Variants in WSB2 observed in about 807,000 individuals in gnomAD.
WSB2 encodes WD repeat and SOCS box containing 2, also known as WD repeat and SOCS box-containing protein 2.
In WSB2, 12 loss-of-function variants were observed where a neutral mutation model predicts 48.8. The observed-to-expected ratio is 0.25, with a 90% CI of 0.16 to 0.40. The LOEUF is 0.40. Among genes scored for constraint, WSB2 ranks in the 10% least tolerant of loss-of-function variants. The pLI is 1.00. For missense variants in WSB2, 317 were observed against 506.2 expected (o/e 0.63, Z 3.59); for synonymous variants, 191 against 203.1 (o/e 0.94, Z 0.51).
intron 1 of WSB2, among the ~76,000 whole-genome samples, chr12:118,058,423 C>T (rs1367439524): frequency 6.6e-6 from 1 of 152,152 alleles, no homozygotes; most frequent in Non-Finnish European, 1.5e-5. Flanking sequence ...TCACGGCTCA[C>T]TGCAACCTCG....
rs748354611 is a variant in WSB2, at chr12:118,055,607, C to CTTTTTTTTTT, written c.14-3139_14-3130dup. 2.2e-4 allele frequency among the ~76,000 whole-genome samples: 18 copies of CTTTTTTTTTT among 81,712 alleles called. 1 individual carries two copies. Among genetic ancestry groups the CTTTTTTTTTT allele is most frequent in the African/African-American group, 3.2e-4 (6 of 18,752 alleles). 53.6% of individuals were successfully genotyped at this position (81,712 alleles called of 152,430 possible). On this transcript the variant is annotated intron_variant, in intron 1 of 8. Transcript: ENST00000315436. ...ATTGGTTCACTTCCTCTACATTATC[C>CTTTTTTTTTT]TTTTTTTTTTTTTTTTTTTTTTTTT...
Position 118,036,385 on chromosome 12 carries a change from A to G in WSB2, c.786T>C (p.Asn262=), listed in dbSNP as rs1246841276. The change falls in exon 6 of 9, where the codon AAT becomes AAC. Residue 262 remains asparagine, a synonymous_variant. Transcript: ENST00000315436. The stretch of plus-strand genomic sequence containing the variant: ...CGGTGTAGGGGTCCCACATAATCAC[A>G]TTGGTATCGTAAGAAGCCGTGACAA... ...ALLVTASYDT[N]VIMWDPYTGE... 1.2e-6 allele frequency: 2 copies of G among 1,614,026 alleles called. No homozygotes were observed. The highest frequency in any genetic ancestry group is 1.7e-6 in the Non-Finnish European group (2 of 1,180,046).
rs1205699475 is a variant in WSB2 at position 118,033,977 on chromosome 12, C to T, written c.*219G>A. The T allele has an allele frequency of 1.4e-5, 8 of 582,486 alleles. No homozygotes were observed. The highest frequency in any genetic ancestry group is 2.4e-5 in the Non-Finnish European group (8 of 333,208). 36.1% of individuals were successfully genotyped at this position (582,486 alleles called of 1,614,324 possible). A position where few individuals can be genotyped will look rare whatever the true frequency, so the allele number is the denominator to read the frequency against. ...GAAAATTTAACGTAAGGCTCTGTTGCCGTGCAAGTGGAATCTCTTCCTCTA... is the reference window on the plus strand; with the variant it reads ...GAAAATTTAACGTAAGGCTCTGTTGTCGTGCAAGTGGAATCTCTTCCTCTA... On this transcript the variant is annotated 3_prime_UTR_variant, in exon 9 of 9. Coordinates refer to ENST00000315436, the MANE Select transcript of WSB2 (RefSeq NM_018639.5).
intron 5 of WSB2, among the ~76,000 whole-genome samples, chr12:118,037,560 C>A (rs907656220): frequency 8.6e-5 from 13 of 150,940 alleles, no homozygotes; most frequent in Non-Finnish European, 1.6e-4. Flanking sequence ...CCCAGCTACT[C>A]GGGAGGCTGA....
intron 2 of WSB2, among the ~76,000 whole-genome samples, chr12:118,051,062 A>C (rs1456759166): frequency 1.3e-5 from 2 of 152,080 alleles, no homozygotes; most frequent in East Asian, 3.8e-4. Context: ...AAAAAAAGAA[A>C]AAAAAAAAGA....
chr12:118,052,221 C>G (rs2031866952), intron 2 of WSB2, 89 bp downstream of exon 2: 1 of 1,512,038 alleles, frequency 6.6e-7, no homozygotes, highest in Non-Finnish European at 8.9e-7. Flanking sequence ...GCCACCTTCC[C>G]TCTCTCTGGT....
At chr12:118,053,272 C>T (rs925483092) in intron 1 of WSB2, among the ~76,000 whole-genome samples, 2 of 152,114 alleles carry the variant, frequency 1.3e-5, no homozygotes, top group African/African-American at 4.8e-5. Flanking sequence ...CCCTGCAGGC[C>T]ACACTCTGGC....
At chr12:118,049,143 T>C (rs2031801325) in intron 2 of WSB2, among the ~76,000 whole-genome samples, 1 of 152,230 alleles carries the variant, frequency 6.6e-6, no homozygotes, top group South Asian at 2.1e-4. Flanking sequence ...GAAATGAAGG[T>C]GCATCCCTTG....
intron 2 of WSB2, among the ~76,000 whole-genome samples, chr12:118,051,829 C>T (rs1469169022): frequency 3.3e-5 from 5 of 152,126 alleles, no homozygotes; most frequent in Non-Finnish European, 2.9e-5. Flanking sequence ...CAAAACTTAG[C>T]CAGGCGTGGT....
At chr12:118,038,777 T>C (rs535971592) in intron 4 of WSB2, among the ~76,000 whole-genome samples, 1 of 152,224 alleles carries the variant, frequency 6.6e-6, no homozygotes, top group East Asian at 1.9e-4. Context: ...GCCTCCCAAG[T>C]TGAAGCGATT....
intron 2 of WSB2, among the ~76,000 whole-genome samples, chr12:118,043,632 G>A (rs1566138777): frequency 6.6e-6 from 1 of 152,032 alleles, no homozygotes; most frequent in Non-Finnish European, 1.5e-5. Flanking sequence ...ATTTTTTGTA[G>A]GACGGAGTTT....
At chr12:118,054,283 C>T (rs1329674706) in intron 1 of WSB2, among the ~76,000 whole-genome samples, 3 of 150,958 alleles carry the variant, frequency 2.0e-5, no homozygotes, top group African/African-American at 4.9e-5. Context: ...CCCAGCTACT[C>T]GGGAAGCTGA....
At chr12:118,042,739 A>G in intron 4 of WSB2, 102 bp downstream of exon 4, 1 of 1,522,842 alleles carries the variant, frequency 6.6e-7, no homozygotes, top group Non-Finnish European at 8.8e-7. Context: ...CACAGAAAAA[A>G]ACATCAAGAA....
At chr12:118,048,308 C>T (rs971810974) in intron 2 of WSB2, among the ~76,000 whole-genome samples, 3 of 151,930 alleles carry the variant, frequency 2.0e-5, no homozygotes. Flanking sequence ...TGTGATTTTG[C>T]CAGGTGCAAT....
rs1197278765 is a variant in WSB2, at chr12:118,037,680, A to AG, written c.660+607_660+608insC. Among the ~76,000 whole-genome samples the AG allele has an allele frequency of 3.3e-5, 5 of 149,874 alleles. No homozygotes were observed. The East Asian group carries it at 9.7e-4, about 29-fold the overall frequency. On this transcript the variant is annotated intron_variant, in intron 5 of 8. Transcript: ENST00000315436. ...CGAAACTCTGTCTAAAAAAAAAAAA[A>AG]AAGAAAAGAAAAGAAAAGAAAACCC...
rs1023885850 is a variant in WSB2 at position 118,060,972 on chromosome 12, C to A, written c.13+64G>T. 8.7e-5 allele frequency: 74 copies of A among 849,048 alleles called. No homozygotes were observed. The highest frequency in any genetic ancestry group is 1.9e-4 in the Admixed American group (3 of 16,136). The allele number at this position is 849,048 out of a possible 1,614,324, so 52.6% of individuals were successfully genotyped here. On this transcript the variant is annotated intron_variant, in intron 1 of 8. Transcript: ENST00000315436. The surrounding 1 kb of genome is among the most constrained non-coding windows in gnomAD (Gnocchi z 4.1). Reference sequence around the variant, plus strand: ...CAGCCCGCCCCGGGGTCGCCTCCCCCCTCCCCGGGGAGAACGGGCCAGGGC... The same window carrying A: ...CAGCCCGCCCCGGGGTCGCCTCCCCACTCCCCGGGGAGAACGGGCCAGGGC...
intron 1 of WSB2, among the ~76,000 whole-genome samples, chr12:118,059,547 T>C (rs1422891527): frequency 6.6e-6 from 1 of 152,208 alleles, no homozygotes; most frequent in Non-Finnish European, 1.5e-5. Flanking sequence ...ACTCTGGCCT[T>C]TTTTGTACAG....
chr12:118,049,130 C>G (rs1180541784), intron 2 of WSB2, among the ~76,000 whole-genome samples: 1 of 152,192 alleles, frequency 6.6e-6, no homozygotes, highest in African/African-American at 2.4e-5. Flanking sequence ...CATGTCAAGT[C>G]TAGAAATGAA....
At chr12:118,048,566 C>G (rs906843796) in intron 2 of WSB2, among the ~76,000 whole-genome samples, 1 of 146,104 alleles carries the variant, frequency 6.8e-6, no homozygotes, top group South Asian at 2.2e-4. Context: ...GCCTGGATGA[C>G]AGAGCAAGAC....
Sources: gnomAD v4.1 joint callset for allele counts (sites outside exome capture counted in the v4.1 genomes callset) on GRCh38, gnomAD v4.1.1 for gene constraint, Gnocchi (gnomAD v3.1) non-coding constraint, MANE v1.5 for transcripts, NCBI Gene and HGNC (gene_info 2026-07-23, HGNC 2026-07-21) for gene names.